The following DGCR8 variants were observed in gnomAD, a reference collection of about 807,000 sequenced individuals.
The protein encoded by DGCR8 is microprocessor complex subunit DGCR8.
A neutral mutation model predicts 78.5 loss-of-function variants in DGCR8; 14 were observed. The ratio of observed to expected loss-of-function variants is 0.18; its 90% CI spans 0.12 to 0.28. The LOEUF (loss-of-function observed/expected upper bound fraction) is 0.28. Among genes scored for constraint, DGCR8 ranks in the 10% least tolerant of loss-of-function variants. DGCR8 has a pLI of 1.00. For synonymous variants in DGCR8, 399 were observed against 402.4 expected, an observed-to-expected ratio of 0.99 and a Z score of 0.10; for missense variants, 702 against 1,022.5, an observed-to-expected ratio of 0.69 and a Z score of 4.28.
intron 5 of DGCR8, among the ~76,000 whole-genome samples, chr22:20,090,507 G>A (rs1034130546): frequency 6.6e-6 from 1 of 152,226 alleles, no homozygotes; most frequent in Non-Finnish European, 1.5e-5. Context: ...GGAGATGGCT[G>A]CTGGCACTGG....
At chr22:20,107,903 G>T in intron 12 of DGCR8, 1 of 159,100 alleles carries the variant, frequency 6.3e-6, no homozygotes, top group African/African-American at 2.4e-5. Flanking sequence ...ACTCCTGAGG[G>T]GTGGAGGGTA....
At position 20,085,846 on chromosome 22, in the gene DGCR8, G is replaced by A; in HGVS notation, c.-118G>A. ...TGTGGCCAGCTTGACTAAGCCGCCAGCGCACAGCGCGGCAGGACGCGCCCG... is the reference window on the plus strand; with the variant it reads ...TGTGGCCAGCTTGACTAAGCCGCCAACGCACAGCGCGGCAGGACGCGCCCG... On this transcript the variant is annotated 5_prime_UTR_variant, in exon 2 of 14. Coordinates refer to ENST00000351989, the MANE Select transcript of DGCR8 (RefSeq NM_022720.7). This position sits in a 1 kb window ranked among gnomAD's most constrained non-coding sequence, Gnocchi z 6.2. 6.7e-7 allele frequency: 1 copy of A among 1,491,014 alleles called. No individual in the cohort carries two copies. The highest frequency in any genetic ancestry group is 8.9e-7 in the Non-Finnish European group (1 of 1,127,860). 92.4% of individuals were successfully genotyped at this position (1,491,014 alleles called of 1,614,324 possible).
intron 1 of DGCR8, among the ~76,000 whole-genome samples, chr22:20,081,176 A>T (rs1352655593): frequency 1.3e-5 from 2 of 152,222 alleles, no homozygotes; most frequent in East Asian, 3.8e-4. Context: ...GGATGACAAA[A>T]GGAACGGATG....
At position 20,108,775 on chromosome 22, in the gene DGCR8, C is replaced by CTGCCAGACCCTGGGCGTGCCTACCT. The variant is rs2049799821; in HGVS notation, c.2125-99_2125-98insTGCCTACCTTGCCAGACCCTGGGCG. 5 of 202,652 alleles carry CTGCCAGACCCTGGGCGTGCCTACCT rather than the reference C, an allele frequency of 2.5e-5. No homozygotes were observed. The East Asian group carries it at 3.8e-4, about 15-fold the overall frequency. The allele number at this position is 202,652 out of a possible 1,614,324, so 12.6% of individuals were successfully genotyped here. A position where few individuals can be genotyped will look rare whatever the true frequency, so the allele number is the denominator to read the frequency against. The stretch of plus-strand genomic sequence containing the variant: ...GCCACAGCTCCTGGCTGTTTCGTGT[C>CTGCCAGACCCTGGGCGTGCCTACCT]TGCCAGACCCTGGGCGCGCCTGCCT... On this transcript the variant is annotated intron_variant, in intron 12 of 13. Transcript: ENST00000351989.
intron 9 of DGCR8, chr22:20,101,642 A>G (rs2049703383): frequency 3.0e-6 from 3 of 985,020 alleles, no homozygotes; most frequent in Non-Finnish European, 3.6e-6. Flanking sequence ...CAGAGGGGAA[A>G]GTAGCTTTTC....
chr22:20,083,172 G>A (rs551225531), intron 1 of DGCR8, among the ~76,000 whole-genome samples: 1 of 152,306 alleles, frequency 6.6e-6, no homozygotes, highest in African/African-American at 2.4e-5. Flanking sequence ...AGGCCATGAG[G>A]CCTTCTTGGA....
At chr22:20,094,897 T>A (rs2049610310) in intron 9 of DGCR8, 102 bp downstream of exon 9, 1 of 976,936 alleles carries the variant, frequency 1.0e-6, no homozygotes, top group Non-Finnish European at 1.6e-6. Flanking sequence ...GCTCATGCCT[T>A]CCATGCCCTG....
intron 9 of DGCR8, chr22:20,101,592 G>A (rs985450290): frequency 6.3e-5 from 61 of 970,132 alleles, no homozygotes; most frequent in Non-Finnish European, 7.3e-5. Context: ...AAAAAAAAAT[G>A]TATATATGTC....
At chr22:20,104,439 T>C (rs1372488197) in intron 9 of DGCR8, among the ~76,000 whole-genome samples, 1 of 151,748 alleles carries the variant, frequency 6.6e-6, no homozygotes, top group Non-Finnish European at 1.5e-5. Flanking sequence ...AGTGCTGGGA[T>C]TACAGGCGTG....
At chr22:20,088,727 G>A (rs1199504187) in intron 3 of DGCR8, among the ~76,000 whole-genome samples, 3 of 152,166 alleles carry the variant, frequency 2.0e-5, no homozygotes, top group Non-Finnish European at 4.4e-5. Context: ...CACTTGGTGG[G>A]TACCTAGCCC....
At chr22:20,109,159 GACAT>G in intron 13 of DGCR8, 156 bp downstream of exon 13, 1 of 550,692 alleles carries the variant, frequency 1.8e-6, no homozygotes, top group South Asian at 2.0e-5. Flanking sequence ...TTTGAGCTTC[GACAT>G]GTGTGATAGT....
At chr22:20,100,266 C>T (rs182647989) in intron 9 of DGCR8, 177 of 760,706 alleles carry the variant, frequency 2.3e-4, no homozygotes, top group Non-Finnish European at 2.8e-4. Context: ...GGGGTTTCAC[C>T]GTGTTGGCCA....
At chr22:20,084,478 C>T (rs952264014) in intron 1 of DGCR8, among the ~76,000 whole-genome samples, 1 of 152,206 alleles carries the variant, frequency 6.6e-6, no homozygotes, top group African/African-American at 2.4e-5. Context: ...CATGCTTCCT[C>T]TGTAGTAAGG....
chr22:20,088,053 C>T (rs1028354098), intron 3 of DGCR8, among the ~76,000 whole-genome samples: 1 of 151,968 alleles, frequency 6.6e-6, no homozygotes, highest in East Asian at 1.9e-4. Flanking sequence ...ACAGGTGAGA[C>T]CCCAGGCTGA....
chr22:20,106,736 C>A, intron 11 of DGCR8, 38 bp downstream of exon 11: 2 of 1,478,278 alleles, frequency 1.4e-6, no homozygotes, highest in Non-Finnish European at 1.9e-6. Flanking sequence ...GGCCGCTGGG[C>A]GGGCGGCCCC....
chr22:20,106,956 C>T (rs1027689004), intron 11 of DGCR8: 2 of 575,628 alleles, frequency 3.5e-6, no homozygotes, highest in Non-Finnish European at 6.2e-6. Context: ...AGGCCCTCCT[C>T]CTCGAACAGC....
In DGCR8 at chr22:20,108,974, G is replaced by A; in HGVS notation, c.2209G>A (p.Glu737Lys). ...CCTGCACATCCTCAGCAAGCTCCAA[G>A]AGGAGATGAAGAGGCTAGCTGAGGA... The part of the protein sequence containing the change: ...PNLHILSKLQ[E>K]EMKRLAEERE... Residue 737 changes from glutamate (E) to lysine (K), a missense_variant, in exon 13 of 14, where the codon GAG (glutamate) becomes AAG (lysine). Transcript: ENST00000351989. The A allele has an allele frequency of 1.2e-6, 2 of 1,608,884 alleles. No homozygotes were observed. The highest frequency in any genetic ancestry group is 8.5e-7 in the Non-Finnish European group (1 of 1,175,524).
intron 1 of DGCR8, chr22:20,084,900 C>T: frequency 1.1e-6 from 1 of 882,982 alleles, no homozygotes; most frequent in African/African-American, 1.8e-5. Flanking sequence ...TAGGAACCTA[C>T]TTGTGGCATG....
rs1255517493 is a variant in DGCR8 at position 20,110,163 on chromosome 22, C to G, written c.*55C>G. 20 of 1,556,038 alleles carry G rather than the reference C, an allele frequency of 1.3e-5. No homozygotes were observed. Among genetic ancestry groups the G allele is most frequent in the Non-Finnish European group, 1.8e-5 (20 of 1,141,360 alleles). The stretch of plus-strand genomic sequence containing the variant: ...CCGCCAGCCGCACTTCTGAGGAGAC[C>G]AGCAGTCATGCATCGTGCACCACAG... On this transcript the variant is annotated 3_prime_UTR_variant, in exon 14 of 14. Transcript: ENST00000351989.
Sources: gnomAD v4.1 joint callset for allele counts (sites outside exome capture counted in the v4.1 genomes callset) on GRCh38, gnomAD v4.1.1 for gene constraint, Gnocchi (gnomAD v3.1) non-coding constraint, MANE v1.5 for transcripts, NCBI Gene and HGNC (gene_info 2026-07-23, HGNC 2026-07-21) for gene names.